TGM3: variants seen among roughly 807,000 people sequenced by gnomAD.
TGM3 encodes the protein protein-glutamine gamma-glutamyltransferase E.
Under a neutral mutation model 73.8 loss-of-function variants are expected in TGM3, and 52 were observed. That is an observed-to-expected ratio of 0.70 (90% CI 0.56 to 0.89). The LOEUF is 0.89. TGM3 is among the 40% of genes least tolerant of loss of function. The pLI is 0.00. For synonymous variants in TGM3, 372 were observed against 354.9 expected, an observed-to-expected ratio of 1.05 and a Z score of -0.54; for missense variants, 928 against 909.9, an observed-to-expected ratio of 1.02 and a Z score of -0.26.
At chr20:2,312,492 G>T (rs1326297978) in intron 4 of TGM3, among the ~76,000 whole-genome samples, 1 of 151,908 alleles carries the variant, frequency 6.6e-6, no homozygotes, top group Admixed American at 6.6e-5. Context: ...AGAAATCGAG[G>T]CCAGACAGGC....
chr20:2,317,299 C>T (rs1246542637), intron 6 of TGM3, 51 bp from the exon 7 acceptor site: 7 of 1,613,712 alleles, frequency 4.3e-6, no homozygotes, highest in African/African-American at 1.3e-5. Flanking sequence ...GTGGGCTATG[C>T]CAAGGTACCA....
In TGM3 at chr20:2,328,171, T is replaced by G. The variant is rs1289952147; in HGVS notation, c.1139T>G (p.Val380Gly). ...ASVIGVREGD[V>G]QLNFDMPFIF... ...GTCATTGGTGTTCGAGAGGGTGATG[T>G]GCAGCTGAACTTCGACATGCCCTTT... Residue 380 changes from valine to glycine, a missense_variant, in exon 9 of 13, where the codon GTG becomes GGG. Transcript: ENST00000381458. The surrounding 1 kb of genome is among the most constrained non-coding windows in gnomAD (Gnocchi z 5.2). 1 of 1,614,038 alleles carries G rather than the reference T, an allele frequency of 6.2e-7. No homozygotes were observed. The highest frequency in any genetic ancestry group is 8.5e-7 in the Non-Finnish European group (1 of 1,180,050).
In TGM3 at chr20:2,328,272, G is replaced by A. The variant is rs770262543; in HGVS notation, c.1240G>A (p.Val414Met). The A allele has an allele frequency of 5.0e-6, 8 of 1,614,188 alleles. No individual in the cohort carries two copies. The highest frequency in any genetic ancestry group is 3.3e-5 in the Admixed American group (2 of 60,012). ...NTTGKQWKNS[V>M]NSHTIGRYIS... ...CACTGGCAAACAGTGGAAGAATTCC[G>A]TGAACAGTCACACCATTGGCAGGTA... Residue 414 changes from valine (V) to methionine (M), a missense_variant, in exon 9 of 13, where the codon GTG becomes ATG. Val to Met is a conservative substitution (Grantham distance 21). Transcript: ENST00000381458. The surrounding 1 kb of genome is among the most constrained non-coding windows in gnomAD (Gnocchi z 5.2).
At position 2,325,921 on chromosome 20, in the gene TGM3, G is replaced by A. The variant is rs1171917659; in HGVS notation, c.1056G>A (p.Val352=). ...DLGPSYGGWQ[V]LDATPQERSQ... ...GCCCCTCGTACGGTGGATGGCAGGTGTTGGATGCTACCCCGCAGGAAAGAA... is the reference window on the plus strand; with the variant it reads ...GCCCCTCGTACGGTGGATGGCAGGTATTGGATGCTACCCCGCAGGAAAGAA... Residue 352 remains valine (V), a synonymous_variant, in exon 8 of 13, where the codon GTG becomes GTA. Transcript: ENST00000381458. The A allele has an allele frequency of 1.9e-6, 3 of 1,595,734 alleles. No homozygotes were observed. The highest frequency in any genetic ancestry group is 2.6e-6 in the Non-Finnish European group (3 of 1,170,080).
intron 11 of TGM3, among the ~76,000 whole-genome samples, chr20:2,338,926 C>T (rs1324672670): frequency 3.3e-5 from 5 of 152,228 alleles, no homozygotes; most frequent in South Asian, 2.1e-4. Context: ...GAATGAATTA[C>T]GGCTGTTTCT....
intron 12 of TGM3, 23 bp downstream of exon 12, chr20:2,340,010 C>T (rs376787829): frequency 7.8e-5 from 25 of 318,580 alleles, no homozygotes; most frequent in Non-Finnish European, 1.2e-4. Context: ...CCTAAGTGGC[C>T]GGTGCAGGAG....
At chr20:2,322,158 G>T (rs554245905) in intron 7 of TGM3, among the ~76,000 whole-genome samples, 1 of 151,916 alleles carries the variant, frequency 6.6e-6, no homozygotes, top group Non-Finnish European at 1.5e-5. Context: ...CTGGATCCTG[G>T]AGATCATTTT....
chr20:2,338,958 C>A (rs561529772), intron 11 of TGM3, among the ~76,000 whole-genome samples: 9 of 152,352 alleles, frequency 5.9e-5, no homozygotes, highest in Non-Finnish European at 1.2e-4. Flanking sequence ...CAACAGCTTT[C>A]ATCTTTTGGT....
intron 1 of TGM3, among the ~76,000 whole-genome samples, chr20:2,303,139 A>G (rs1422163543): frequency 2.0e-5 from 3 of 152,114 alleles, no homozygotes; most frequent in Non-Finnish European, 4.4e-5. Context: ...TCTCTATTAA[A>G]AATACAAAAA....
Position 2,332,156 on chromosome 20 carries a change from C to T in TGM3, c.1488C>T (p.Gly496=). ...AGGTCGCTGGCATGCTGGCAGTAGG[C>T]AAAGAAGTCAACCTGGTCCTACTGC... The part of the protein sequence containing the change: ...KLKVAGMLAV[G]KEVNLVLLLK... The change falls in exon 10 of 13, where the codon GGC becomes GGT. Residue 496 remains glycine, a synonymous_variant. Coordinates refer to ENST00000381458, the MANE Select transcript of TGM3 (RefSeq NM_003245.4). The surrounding 1 kb of genome is among the most constrained non-coding windows in gnomAD (Gnocchi z 4.4). 6.2e-7 allele frequency: 1 copy of T among 1,614,162 alleles called. No individual in the cohort carries two copies. The highest frequency in any genetic ancestry group is 8.5e-7 in the Non-Finnish European group (1 of 1,180,008).
At position 2,339,949 on chromosome 20, in the gene TGM3, G is replaced by A. The variant is rs1374404692; in HGVS notation, c.1896G>A (p.Val632=). The A allele has an allele frequency of 1.2e-6, 2 of 1,613,176 alleles. No homozygotes were observed. Among genetic ancestry groups the A allele is most frequent in the African/African-American group, 2.7e-5 (2 of 74,874 alleles). The change falls in exon 12 of 13, where the codon GTG becomes GTA. Residue 632 remains valine, a synonymous_variant. Coordinates refer to ENST00000381458, the MANE Select transcript of TGM3 (RefSeq NM_003245.4). ...CGGTGAGGGACTGCGTGCTGATGGTGGAGGGAAGCGGCCTGCTGTTGGGTA... is the reference window on the plus strand; with the variant it reads ...CGGTGAGGGACTGCGTGCTGATGGTAGAGGGAAGCGGCCTGCTGTTGGGTA... The part of the protein sequence containing the change: ...DEPVRDCVLM[V]EGSGLLLGNL...
Position 2,316,976 on chromosome 20 carries a change from A to T in TGM3, c.670-92A>T, listed in dbSNP as rs897678975. 2.2e-5 allele frequency: 33 copies of T among 1,469,300 alleles called. No individual in the cohort carries two copies. The East Asian group carries it at 6.8e-4, about 30-fold the overall frequency. The allele number at this position is 1,469,300 out of a possible 1,614,324, so 91.0% of individuals were successfully genotyped here. ...ATCATGGCCTTTGGCTTCCTTCCTC[A>T]TCTCCCCACCTTGTCCTCTGAATTC... On this transcript the variant is annotated intron_variant, in intron 5 of 12. Coordinates refer to ENST00000381458, the MANE Select transcript of TGM3 (RefSeq NM_003245.4).
intron 12 of TGM3, 40 bp downstream of exon 12, chr20:2,340,027 A>AGGGGGAGGGGGGGGGGG: frequency 7.5e-6 from 1 of 133,144 alleles, no homozygotes; most frequent in Admixed American, 1.2e-4. Context: ...GGAGGGCGGG[A>AGGGGGAGGGGGGGGGGG]GGGGGCGGGG....
chr20:2,312,844 G>C, intron 4 of TGM3, 54 bp from the exon 5 acceptor site: 1 of 1,607,590 alleles, frequency 6.2e-7, no homozygotes, highest in South Asian at 1.1e-5. Context: ...CCCTTCTTGA[G>C]CCAACTCTCC....
chr20:2,320,471 T>TG (rs1402979571), intron 7 of TGM3, among the ~76,000 whole-genome samples: 6 of 152,216 alleles, frequency 3.9e-5, no homozygotes, highest in Non-Finnish European at 1.5e-5. Context: ...CATGTAGACA[T>TG]TCTAAGCGCA....
chr20:2,328,158 C>A lies in TGM3; in HGVS notation c.1126C>A (p.Arg376=). 2 of 1,614,080 alleles carry A rather than the reference C, an allele frequency of 1.2e-6. No homozygotes were observed. ...CGGCCCCGCTTCGGTCATTGGTGTTCGAGAGGGTGATGTGCAGCTGAACTT... is the reference window on the plus strand; with the variant it reads ...CGGCCCCGCTTCGGTCATTGGTGTTAGAGAGGGTGATGTGCAGCTGAACTT... The part of the protein sequence containing the change: ...QCGPASVIGV[R]EGDVQLNFDM... The change falls in exon 9 of 13, where the codon CGA becomes AGA. Residue 376 remains arginine (R), a synonymous_variant. Transcript: ENST00000381458. This position sits in a 1 kb window ranked among gnomAD's most constrained non-coding sequence, Gnocchi z 5.2.
At chr20:2,339,756 T>A (rs2084369941) in intron 11 of TGM3, 98 bp from the exon 12 acceptor site, 5 of 1,527,628 alleles carry the variant, frequency 3.3e-6, no homozygotes, top group Admixed American at 1.8e-5. Context: ...CTCAGTGACA[T>A]CACCCCCTTC....
rs555433935 is a variant in TGM3 at position 2,311,056 on chromosome 20, T to C, written c.467T>C (p.Val156Ala). The stretch of plus-strand genomic sequence containing the variant: ...AACCACGCTGAGAGAGAAGAGTATG[T>C]TCAGGAAGATGCCGGCATCATCTTT... ...MGNHAEREEY[V>A]QEDAGIIFVG... The change falls in exon 4 of 13, where the codon GTT becomes GCT. Residue 156 changes from valine (V) to alanine (A), a missense_variant. Val to Ala is a moderately conservative substitution (Grantham distance 64, BLOSUM62 0). Transcript: ENST00000381458. 3 of 1,614,110 alleles carry C rather than the reference T, an allele frequency of 1.9e-6. No homozygotes were observed. The East Asian group carries it at 6.7e-5, about 36-fold the overall frequency.
At chr20:2,327,450 C>A (rs530519197) in intron 8 of TGM3, among the ~76,000 whole-genome samples, 1 of 152,062 alleles carries the variant, frequency 6.6e-6, no homozygotes, top group Admixed American at 6.5e-5. Flanking sequence ...GCACTCCAGA[C>A]TGGGCGACAG....
Sources: allele counts gnomAD v4.1 joint callset (sites outside exome capture counted in the v4.1 genomes callset), GRCh38; gene constraint gnomAD v4.1.1; non-coding constraint Gnocchi (gnomAD v3.1); transcripts MANE v1.5; gene names NCBI Gene and HGNC (gene_info 2026-07-23, HGNC 2026-07-21).